The following COBL variants were observed in gnomAD, a reference collection of about 807,000 sequenced individuals.
COBL encodes protein cordon-bleu.
COBL carries 51 observed loss-of-function variants against 98.8 expected under a neutral mutation model. The observed-to-expected ratio is 0.52, with a 90% CI of 0.41 to 0.65. COBL has a LOEUF of 0.65. Ranked by LOEUF, COBL falls within the 30% of genes least tolerant of loss-of-function variation. COBL has a pLI of 0.00. For missense variants in COBL, 1,617 were observed against 1,617.5 expected (o/e 1.00, Z 0.01); for synonymous variants, 634 against 651.7 (o/e 0.97, Z 0.41).
intron 4 of COBL, among the ~76,000 whole-genome samples, chr7:51,186,695 A>C (rs1563011570): frequency 6.6e-6 from 1 of 152,206 alleles, no homozygotes; most frequent in Non-Finnish European, 1.5e-5. Context: ...TGTGACTCAC[A>C]GTGCTGAGCT....
intron 1 of COBL, among the ~76,000 whole-genome samples, chr7:51,246,705 G>C (rs575786842): frequency 2.0e-5 from 3 of 152,352 alleles, no homozygotes; most frequent in Non-Finnish European, 4.4e-5. Flanking sequence ...TATTGTGGTT[G>C]CAATTCCATG....
intron 2 of COBL, among the ~76,000 whole-genome samples, chr7:51,206,200 A>G (rs1791682516): frequency 2.0e-5 from 3 of 152,138 alleles, no homozygotes; most frequent in Admixed American, 2.0e-4. Flanking sequence ...ACATATTTCT[A>G]AAGAAAATGG....
intron 6 of COBL, among the ~76,000 whole-genome samples, chr7:51,093,542 C>A (rs1002860898): frequency 1.3e-5 from 2 of 152,168 alleles, no homozygotes; most frequent in Admixed American, 6.5e-5. Flanking sequence ...AAGACATCTG[C>A]ACTTCTATGT....
intron 6 of COBL, among the ~76,000 whole-genome samples, chr7:51,123,646 G>T (rs902589704): frequency 3.3e-5 from 5 of 152,230 alleles, no homozygotes; most frequent in Non-Finnish European, 5.9e-5. Flanking sequence ...TTTCCTTCAA[G>T]AAGATGCATA....
At chr7:51,191,368 T>C (rs1790103965) in intron 3 of COBL, among the ~76,000 whole-genome samples, 3 of 152,248 alleles carry the variant, frequency 2.0e-5, no homozygotes, top group Admixed American at 6.5e-5. Context: ...TACTTTACTG[T>C]CTTCCAAGGG....
intron 1 of COBL, 51 bp from the exon 2 acceptor site, chr7:51,219,995 G>T (rs1468521552): frequency 6.5e-7 from 1 of 1,544,670 alleles, no homozygotes. Context: ...GTTCCTACCT[G>T]CCTCGGAATA....
intron 5 of COBL, among the ~76,000 whole-genome samples, chr7:51,142,950 A>C (rs556224483): frequency 1.1e-4 from 16 of 152,296 alleles, no homozygotes; most frequent in African/African-American, 3.8e-4. Context: ...CAGACCGCAG[A>C]AGCTCATTTC....
chr7:51,258,651 T>C (rs925940918), intron 1 of COBL, among the ~76,000 whole-genome samples: 2 of 152,208 alleles, frequency 1.3e-5, no homozygotes, highest in African/African-American at 4.8e-5. Context: ...CAAAAACACA[T>C]GCTTCTACTG....
At chr7:51,173,779 T>A (rs1473717275) in intron 5 of COBL, among the ~76,000 whole-genome samples, 1 of 152,188 alleles carries the variant, frequency 6.6e-6, no homozygotes, top group African/African-American at 2.4e-5. Context: ...CAAGATGATA[T>A]AAAACTATAA....
chr7:51,062,933 T>A (rs964277011), intron 7 of COBL, among the ~76,000 whole-genome samples: 7 of 152,086 alleles, frequency 4.6e-5, no homozygotes, highest in African/African-American at 1.7e-4. Context: ...TGCTCAGGAC[T>A]CCAACCCAGC....
chr7:51,059,238 G>C (rs1366450623), intron 7 of COBL, among the ~76,000 whole-genome samples: 1 of 152,170 alleles, frequency 6.6e-6, no homozygotes, highest in Admixed American at 6.5e-5. Flanking sequence ...AGTAGTGTTT[G>C]GTCTTTATTT....
rs188917359 is a variant in COBL at position 51,093,998 on chromosome 7, T to A, written c.958-8694A>T. Among the ~76,000 whole-genome samples, 3 of 150,872 alleles carry A rather than the reference T, an allele frequency of 2.0e-5. No homozygotes were observed. The East Asian group carries it at 5.8e-4, about 29-fold the overall frequency. On this transcript the variant is annotated intron_variant, in intron 6 of 12. Transcript: ENST00000265136. ...TTTTATATACATATATATATATGTA[T>A]ATAAAACACATATATTTATATTACA...
At position 51,209,678 on chromosome 7, in the gene COBL, C is replaced by T. The variant is rs73697830; in HGVS notation, c.245+10063G>A. Among the ~76,000 whole-genome samples, 1,076 of 152,218 alleles carry T rather than the reference C, an allele frequency of 7.1e-3. 14 individuals carry two copies. The highest frequency in any genetic ancestry group is 0.025 in the African/African-American group (1,027 of 41,548). On this transcript the variant is annotated intron_variant, in intron 2 of 12. Coordinates refer to ENST00000265136, the MANE Select transcript of COBL (RefSeq NM_015198.5). ...ATCTGTGATGAGCCTGTGGCCACAC[C>T]ATGCACTGCCCATGGTGTCCTCCAG...
intron 1 of COBL, among the ~76,000 whole-genome samples, chr7:51,262,059 A>G (rs1797771769): frequency 6.6e-6 from 1 of 152,126 alleles, no homozygotes; most frequent in Admixed American, 6.5e-5. Context: ...GGAGCTGGAG[A>G]GGGGTGGGCC....
intron 6 of COBL, among the ~76,000 whole-genome samples, chr7:51,089,713 T>C (rs913129893): frequency 6.6e-6 from 1 of 152,210 alleles, no homozygotes; most frequent in Non-Finnish European, 1.5e-5. Context: ...AACAAACAAG[T>C]AAACATTGTG....
chr7:51,262,201 G>A (rs963741207), intron 1 of COBL, among the ~76,000 whole-genome samples: 1 of 152,194 alleles, frequency 6.6e-6, no homozygotes, highest in African/African-American at 2.4e-5. Flanking sequence ...CCAGCCCCAG[G>A]AGGCCACATC....
chr7:51,210,819 C>G (rs1470214395), intron 2 of COBL, among the ~76,000 whole-genome samples: 1 of 152,222 alleles, frequency 6.6e-6, no homozygotes, highest in Non-Finnish European at 1.5e-5. Flanking sequence ...TGCACCACGC[C>G]CTTTAAGTTG....
At chr7:51,086,765 C>T (rs1460512815) in intron 6 of COBL, among the ~76,000 whole-genome samples, 2 of 152,142 alleles carry the variant, frequency 1.3e-5, no homozygotes, top group Non-Finnish European at 2.9e-5. Context: ...ACTCAAACTA[C>T]TAACAATTGG....
At chr7:51,237,516 T>A (rs1795369341) in intron 1 of COBL, among the ~76,000 whole-genome samples, 1 of 140,496 alleles carries the variant, frequency 7.1e-6, no homozygotes. Flanking sequence ...AAACTGTGAG[T>A]CCCTTAACCC....
Sources: gnomAD v4.1 joint callset for allele counts (sites outside exome capture counted in the v4.1 genomes callset) on GRCh38, gnomAD v4.1.1 for gene constraint, MANE v1.5 for transcripts, NCBI Gene and HGNC (gene_info 2026-07-23, HGNC 2026-07-21) for gene names.